Variants in PLXDC2 observed in about 807,000 individuals in gnomAD.
PLXDC2 encodes plexin domain containing 2, also known as plexin domain-containing protein 2.
PLXDC2 carries 40 observed loss-of-function variants against 68.9 expected under a neutral mutation model. That is an observed-to-expected ratio of 0.58 (90% CI 0.45 to 0.76). The LOEUF (loss-of-function observed/expected upper bound fraction) is 0.76. Ranked by LOEUF, PLXDC2 falls within the 30% of genes least tolerant of loss-of-function variation. The probability of loss-of-function intolerance (pLI) is 0.00; values close to 1 mark genes in which losing one functional copy is unlikely to be tolerated. For synonymous variants in PLXDC2, 243 were observed against 234.2 expected (o/e 1.04, Z -0.34); for missense variants, 644 against 661.9 (o/e 0.97, Z 0.30).
Position 20,225,428 on chromosome 10 carries a change from CTG to C in PLXDC2, c.1312+6328_1312+6329del, listed in dbSNP as rs565699802. Among the ~76,000 whole-genome samples, 379 of 130,490 alleles carry C rather than the reference CTG, an allele frequency of 2.9e-3. 3 individuals are homozygous for C. The highest frequency in any genetic ancestry group is 9.8e-3 in the African/African-American group (342 of 34,780). 85.6% of individuals were successfully genotyped at this position (130,490 alleles called of 152,430 possible). On this transcript the variant is annotated intron_variant, in intron 12 of 13. Coordinates refer to ENST00000377252, the MANE Select transcript of PLXDC2 (RefSeq NM_032812.9). ...TCATAGTCCTATGAGCAAAGGGAAA[CTG>C]TTATTTCATTTTAACAGGCTATTGA... is the stretch of plus-strand genomic sequence containing the variant.
chr10:19,907,301 T>A (rs1003459376), intron 1 of PLXDC2, among the ~76,000 whole-genome samples: 3 of 152,230 alleles, frequency 2.0e-5, no homozygotes, highest in Admixed American at 6.5e-5. Context: ...TAACCACTTG[T>A]GTCTTATTAT....
intron 1 of PLXDC2, among the ~76,000 whole-genome samples, chr10:19,885,350 T>G (rs1003237991): frequency 1.3e-5 from 2 of 151,042 alleles, no homozygotes; most frequent in Non-Finnish European, 3.0e-5. Context: ...AGAAGCTCTT[T>G]AGTTTAATTA....
intron 12 of PLXDC2, among the ~76,000 whole-genome samples, chr10:20,231,650 T>C (rs138146038): frequency 0.016 from 2,398 of 152,050 alleles, 59 homozygotes; most frequent in African/African-American, 0.051. Flanking sequence ...TCATAAGCTT[T>C]TTTTTTGAAA....
intron 1 of PLXDC2, among the ~76,000 whole-genome samples, chr10:19,920,084 A>T (rs940759341): frequency 1.3e-4 from 20 of 152,342 alleles, no homozygotes; most frequent in African/African-American, 4.6e-4. Flanking sequence ...CCACTTTTAG[A>T]TGGGGCAATA....
intron 1 of PLXDC2, among the ~76,000 whole-genome samples, chr10:19,892,127 G>A (rs929844052): frequency 6.6e-6 from 1 of 152,174 alleles, no homozygotes; most frequent in Non-Finnish European, 1.5e-5. Flanking sequence ...CTGGTACTCA[G>A]TAGCTACTTA....
chr10:20,142,765 C>T (rs530326948), intron 4 of PLXDC2, among the ~76,000 whole-genome samples: 20 of 151,524 alleles, frequency 1.3e-4, no homozygotes, highest in Admixed American at 3.3e-4. Flanking sequence ...AATTTGAAAA[C>T]GTCACCATGG....
chr10:19,954,961 CCTT>C (rs1834044676), intron 1 of PLXDC2, among the ~76,000 whole-genome samples: 1 of 152,028 alleles, frequency 6.6e-6, no homozygotes, highest in Admixed American at 6.6e-5. Context: ...GATTATATTA[CCTT>C]CTTTCTCACA....
chr10:20,283,035 T>C lies in PLXDC2; in HGVS notation c.*3216T>C, dbSNP rs919473642. On this transcript the variant is annotated 3_prime_UTR_variant, in exon 14 of 14. Coordinates refer to ENST00000377252, the MANE Select transcript of PLXDC2 (RefSeq NM_032812.9). ...CCACGCCTGGCTTGTGGCTACCATA[T>C]TGGATAACAAGAAACACTTCCGTGG... The C allele has an allele frequency of 6.6e-6, 1 of 152,204 alleles. No homozygotes were observed. Among genetic ancestry groups the C allele is most frequent in the African/African-American group, 2.4e-5 (1 of 41,458 alleles). The allele number at this position is 152,204 out of a possible 1,614,324, so 9.4% of individuals were successfully genotyped here. A position where few individuals can be genotyped will look rare whatever the true frequency, so the allele number is the denominator to read the frequency against.
chr10:19,979,047 T>A (rs1258568107), intron 1 of PLXDC2, among the ~76,000 whole-genome samples: 1 of 152,200 alleles, frequency 6.6e-6, no homozygotes, highest in South Asian at 2.1e-4. Flanking sequence ...TGATAAAAGA[T>A]CTCCAGGTTG....
chr10:19,882,815 A>G (rs972089977), intron 1 of PLXDC2, among the ~76,000 whole-genome samples: 1 of 152,234 alleles, frequency 6.6e-6, no homozygotes, highest in African/African-American at 2.4e-5. Flanking sequence ...TTAAAAGCAG[A>G]ACAGTATCAA....
intron 1 of PLXDC2, among the ~76,000 whole-genome samples, chr10:19,849,051 C>T (rs1837066220): frequency 6.6e-6 from 1 of 151,878 alleles, no homozygotes; most frequent in Non-Finnish European, 1.5e-5. Flanking sequence ...CCTTTATGAC[C>T]CTTCAATGCC....
chr10:20,255,090 G>C (rs958269835), intron 13 of PLXDC2, among the ~76,000 whole-genome samples: 5 of 151,930 alleles, frequency 3.3e-5, no homozygotes, highest in Non-Finnish European at 5.9e-5. Flanking sequence ...CTAATTTGCT[G>C]TAATTTCTTT....
intron 4 of PLXDC2, among the ~76,000 whole-genome samples, chr10:20,088,669 C>T (rs1298277106): frequency 6.6e-6 from 1 of 152,118 alleles, no homozygotes; most frequent in Admixed American, 6.5e-5. Flanking sequence ...ATAATATGGC[C>T]TTGGTTCACA....
At chr10:20,025,971 G>A (rs1352747446) in intron 2 of PLXDC2, among the ~76,000 whole-genome samples, 6 of 151,972 alleles carry the variant, frequency 3.9e-5, no homozygotes, top group African/African-American at 1.4e-4. Context: ...GAACTACGTA[G>A]ATAAACTCAG....
intron 6 of PLXDC2, among the ~76,000 whole-genome samples, chr10:20,154,631 G>A (rs1834195079): frequency 6.6e-6 from 1 of 151,636 alleles, no homozygotes; most frequent in South Asian, 2.1e-4. Flanking sequence ...AGGCCTTGAT[G>A]CTGTCTATCC....
At chr10:20,051,225 G>A (rs1835893209) in intron 3 of PLXDC2, among the ~76,000 whole-genome samples, 1 of 151,688 alleles carries the variant, frequency 6.6e-6, no homozygotes, top group Admixed American at 6.6e-5. Flanking sequence ...AGACGCCGGA[G>A]TCTACTTAAG....
At chr10:19,845,648 G>A (rs75714145) in intron 1 of PLXDC2, among the ~76,000 whole-genome samples, 1 of 152,200 alleles carries the variant, frequency 6.6e-6, no homozygotes, top group Non-Finnish European at 1.5e-5. Context: ...TTATAGCCCT[G>A]GTGATGTTGC....
At chr10:19,957,052 A>G (rs541441245) in intron 1 of PLXDC2, among the ~76,000 whole-genome samples, 70 of 152,280 alleles carry the variant, frequency 4.6e-4, no homozygotes, top group African/African-American at 1.6e-3. Context: ...ATATAGGGCA[A>G]CTCAATTTAT....
intron 1 of PLXDC2, among the ~76,000 whole-genome samples, chr10:19,966,389 T>TAGATAAA: frequency 6.7e-6 from 1 of 148,218 alleles, no homozygotes; most frequent in South Asian, 2.1e-4. Flanking sequence ...TATGTGCACA[T>TAGATAAA]ATATAAAATA....
Sources: gnomAD v4.1 joint callset for allele counts (sites outside exome capture counted in the v4.1 genomes callset) on GRCh38, gnomAD v4.1.1 for gene constraint, MANE v1.5 for transcripts, NCBI Gene and HGNC (gene_info 2026-07-23, HGNC 2026-07-21) for gene names.